Variants in CADM1 observed in about 807,000 individuals in gnomAD.
CADM1 encodes TSLC-1.
CADM1 carries 15 observed loss-of-function variants against 53.1 expected under a neutral mutation model. The ratio of observed to expected loss-of-function variants is 0.28; its 90% confidence interval spans 0.19 to 0.44. CADM1 has a LOEUF of 0.44. CADM1 is among the 20% of genes least tolerant of loss of function. The probability of loss-of-function intolerance (pLI) is 1.00; values close to 1 mark genes in which losing one functional copy is unlikely to be tolerated. For missense variants in CADM1, 434 were observed against 611.3 expected (o/e 0.71, Z 3.06); for synonymous variants, 281 against 243.0 (o/e 1.16, Z -1.45).
In CADM1 at chr11:115,443,588, A is replaced by G. The variant is rs894064392; in HGVS notation, c.124+60683T>C. On this transcript the variant is annotated intron_variant, in intron 1 of 11. Transcript: ENST00000331581. ...ATATGGAATAAATAAAACTACACACATAATTGTAAAGGGTTTTAGTGTTCT... is the reference window on the plus strand; with the variant it reads ...ATATGGAATAAATAAAACTACACACGTAATTGTAAAGGGTTTTAGTGTTCT... Among the ~76,000 whole-genome samples the G allele has an allele frequency of 7.9e-5, 12 of 152,366 alleles. No individual in the cohort carries two copies. The South Asian group carries it at 1.0e-3, about 13-fold the overall frequency.
intron 1 of CADM1, among the ~76,000 whole-genome samples, chr11:115,461,263 T>A (rs990134121): frequency 2.8e-4 from 43 of 152,078 alleles, no homozygotes; most frequent in Non-Finnish European, 3.8e-4. Flanking sequence ...AATAATGTAG[T>A]TGAGATAAAG....
intron 1 of CADM1, among the ~76,000 whole-genome samples, chr11:115,242,232 C>T (rs1217454876): frequency 6.6e-5 from 10 of 151,590 alleles, no homozygotes; most frequent in South Asian, 4.2e-4. Context: ...GCAGGCCCAC[C>T]GGGCTTGCAG....
In CADM1 at chr11:115,289,055, G is replaced by A. The variant is rs1413221581; in HGVS notation, c.125-48635C>T. The stretch of plus-strand genomic sequence containing the variant: ...CTGAAGAAGCCAGAAAAGCTTAAAC[G>A]TTTCTGGAGATGAAAAATAAGAGTT... On this transcript the variant is annotated intron_variant, in intron 1 of 11. Transcript: ENST00000331581. 3.9e-5 allele frequency among the ~76,000 whole-genome samples: 6 copies of A among 152,256 alleles called. No individual in the cohort carries two copies. In the East Asian group the frequency reaches 9.7e-4, roughly 25 times the overall value.
chr11:115,180,252 G>C (rs1939247002), intron 10 of CADM1, among the ~76,000 whole-genome samples: 1 of 152,174 alleles, frequency 6.6e-6, no homozygotes, highest in South Asian at 2.1e-4. Context: ...CATGAAAAGT[G>C]CTTTAATTAA....
chr11:115,480,702 C>G (rs369579687), intron 1 of CADM1, among the ~76,000 whole-genome samples: 1 of 152,134 alleles, frequency 6.6e-6, no homozygotes, highest in Non-Finnish European at 1.5e-5. Context: ...TCTGAGTTCT[C>G]CTGGAGGGAG....
Position 115,214,675 on chromosome 11 carries a change from A to C in CADM1, c.927T>G (p.Gly309=), listed in dbSNP as rs1409508636. The stretch of plus-strand genomic sequence containing the variant: ...TGTTTGAAGCTTCACAGCGGTATGT[A>C]CCATTATCTGTTTTGTTTAGGTTAT... ...FINNLNKTDN[G]TYRCEASNIV... The change falls in exon 7 of 12, where the codon GGT becomes GGG. Residue 309 remains glycine, a synonymous_variant. Coordinates refer to ENST00000331581, the MANE Select transcript of CADM1 (RefSeq NM_001301043.2). 1 of 1,613,938 alleles carries C rather than the reference A, an allele frequency of 6.2e-7. No homozygotes were observed. Among genetic ancestry groups the C allele is most frequent in the Non-Finnish European group, 8.5e-7 (1 of 1,179,952 alleles).
chr11:115,467,330 GA>G (rs1234658082), intron 1 of CADM1, among the ~76,000 whole-genome samples: 1 of 152,154 alleles, frequency 6.6e-6, no homozygotes, highest in African/African-American at 2.4e-5. Flanking sequence ...TCATGAACTG[GA>G]ATGAGCTCGA....
intron 1 of CADM1, among the ~76,000 whole-genome samples, chr11:115,413,214 ATAT>A (rs1947501051): frequency 6.6e-6 from 1 of 152,228 alleles, no homozygotes; most frequent in South Asian, 2.1e-4. Flanking sequence ...TTGCTCAAAA[ATAT>A]TATTAGTTTT....
At chr11:115,192,133 G>T (rs1200769852) in intron 9 of CADM1, among the ~76,000 whole-genome samples, 1 of 152,208 alleles carries the variant, frequency 6.6e-6, no homozygotes, top group Admixed American at 6.5e-5. Context: ...AGGCCCAAAT[G>T]AACCACAACA....
chr11:115,330,257 G>A lies in CADM1; in HGVS notation c.125-89837C>T, dbSNP rs569280789. Among the ~76,000 whole-genome samples the A allele has an allele frequency of 8.6e-5, 13 of 151,548 alleles. No homozygotes were observed. The East Asian group carries it at 1.8e-3, about 20-fold the overall frequency. ...TTTTATCTACTATAATTTTCACTTC[G>A]TTTTATTCTTTTTAAAGTTCTCATT... On this transcript the variant is annotated intron_variant, in intron 1 of 11. Transcript: ENST00000331581.
chr11:115,378,340 A>G (rs1946490403), intron 1 of CADM1, among the ~76,000 whole-genome samples: 1 of 152,044 alleles, frequency 6.6e-6, no homozygotes, highest in Non-Finnish European at 1.5e-5. Context: ...CTACCAACTG[A>G]TATCAGAAAT....
intron 1 of CADM1, among the ~76,000 whole-genome samples, chr11:115,295,128 A>T (rs944059279): frequency 3.9e-5 from 6 of 152,184 alleles, no homozygotes; most frequent in African/African-American, 1.4e-4. Context: ...ATGTTTTATC[A>T]GATGCTATCA....
intron 10 of CADM1, among the ~76,000 whole-genome samples, chr11:115,183,239 A>G (rs1205521149): frequency 6.6e-6 from 1 of 151,332 alleles, no homozygotes; most frequent in Middle Eastern, 3.2e-3. Context: ...CATTCCTCAA[A>G]CTCCTTGCCA....
At chr11:115,363,120 G>T (rs1316672766) in intron 1 of CADM1, among the ~76,000 whole-genome samples, 1 of 152,152 alleles carries the variant, frequency 6.6e-6, no homozygotes, top group African/African-American at 2.4e-5. Flanking sequence ...AGCGGCTGAG[G>T]CTCTTTAGCC....
At chr11:115,311,909 T>C (rs1944541815) in intron 1 of CADM1, among the ~76,000 whole-genome samples, 1 of 152,160 alleles carries the variant, frequency 6.6e-6, no homozygotes, top group African/African-American at 2.4e-5. Flanking sequence ...GTCCAAACTT[T>C]AAAGGAATGT....
rs371923298 is a variant in CADM1, at chr11:115,484,449, A to G, written c.124+19822T>C. On this transcript the variant is annotated intron_variant, in intron 1 of 11. Coordinates refer to ENST00000331581, the MANE Select transcript of CADM1 (RefSeq NM_001301043.2). Reference sequence around the variant, plus strand: ...TCCATCTATCCTCCCTCCATGCTTAAGCCTGCCAAAGCTGCCATTGGTCAT... The same window carrying G: ...TCCATCTATCCTCCCTCCATGCTTAGGCCTGCCAAAGCTGCCATTGGTCAT... 5.9e-5 allele frequency among the ~76,000 whole-genome samples: 9 copies of G among 152,340 alleles called. No individual in the cohort carries two copies. In the East Asian group the frequency reaches 1.7e-3, roughly 29 times the overall value.
intron 1 of CADM1, among the ~76,000 whole-genome samples, chr11:115,311,939 T>C (rs969408673): frequency 6.6e-6 from 1 of 152,192 alleles, no homozygotes; most frequent in African/African-American, 2.4e-5. Flanking sequence ...AGTTTTCACC[T>C]ATCGGCACAA....
intron 1 of CADM1, among the ~76,000 whole-genome samples, chr11:115,429,469 G>A (rs1400314535): frequency 5.9e-5 from 9 of 151,812 alleles, no homozygotes; most frequent in Non-Finnish European, 1.3e-4. Flanking sequence ...TCTGGGCGTT[G>A]CGGTGGGCAC....
intron 1 of CADM1, among the ~76,000 whole-genome samples, chr11:115,312,174 A>G (rs568292722): frequency 3.0e-4 from 46 of 152,308 alleles, no homozygotes; most frequent in African/African-American, 1.1e-3. Flanking sequence ...TGAGCCGGGA[A>G]AGGTGGCAAT....
Sources: gnomAD v4.1 joint callset for allele counts (sites outside exome capture counted in the v4.1 genomes callset) on GRCh38, gnomAD v4.1.1 for gene constraint, MANE v1.5 for transcripts, NCBI Gene and HGNC (gene_info 2026-07-23, HGNC 2026-07-21) for gene names.